TTC29: variants seen among roughly 807,000 people sequenced by gnomAD.
TTC29 encodes the protein tetratricopeptide repeat protein 29.
TTC29 carries 49 observed loss-of-function variants against 58.1 expected under a neutral mutation model. That is an observed-to-expected ratio of 0.84 (90% confidence interval 0.67 to 1.07). The LOEUF is 1.07. TTC29 is among the 50% of genes least tolerant of loss of function. The pLI is 0.00. For missense variants in TTC29, 582 were observed against 555.6 expected (o/e 1.05, Z -0.48); for synonymous variants, 209 against 196.8 (o/e 1.06, Z -0.52).
chr4:146,859,456 A>G (rs1175394971), intron 8 of TTC29, among the ~76,000 whole-genome samples: 1 of 152,160 alleles, frequency 6.6e-6, no homozygotes, highest in Non-Finnish European at 1.5e-5. Flanking sequence ...AATCTAAAAA[A>G]TGATTAATGC....
At chr4:146,740,730 T>C (rs917429505) in intron 11 of TTC29, among the ~76,000 whole-genome samples, 1 of 152,110 alleles carries the variant, frequency 6.6e-6, no homozygotes, top group African/African-American at 2.4e-5. Flanking sequence ...TTTAAAATTT[T>C]TTAGAGATAG....
chr4:146,731,978 A>G (rs1744368093), intron 11 of TTC29, among the ~76,000 whole-genome samples: 1 of 152,174 alleles, frequency 6.6e-6, no homozygotes, highest in South Asian at 2.1e-4. Context: ...ATACTTGTTA[A>G]TCAGCTTACA....
At chr4:146,896,530 T>A (rs1450861069) in intron 6 of TTC29, among the ~76,000 whole-genome samples, 3 of 152,214 alleles carry the variant, frequency 2.0e-5, no homozygotes, top group African/African-American at 7.2e-5. Flanking sequence ...ATCTCCTTAT[T>A]AATTGTGACT....
intron 11 of TTC29, among the ~76,000 whole-genome samples, chr4:146,784,502 G>A (rs1350196037): frequency 1.3e-5 from 2 of 152,072 alleles, no homozygotes; most frequent in African/African-American, 4.8e-5. Context: ...AGGAGGTGGG[G>A]CCTTTGGGAG....
chr4:146,857,331 C>T (rs1729930197), intron 8 of TTC29, among the ~76,000 whole-genome samples: 1 of 146,054 alleles, frequency 6.8e-6, no homozygotes, highest in African/African-American at 2.5e-5. Flanking sequence ...AGGTCTGAGC[C>T]ACAACAGTTG....
chr4:146,790,868 A>G (rs1392415486), intron 11 of TTC29, among the ~76,000 whole-genome samples: 1 of 152,146 alleles, frequency 6.6e-6, no homozygotes, highest in Non-Finnish European at 1.5e-5. Context: ...AAATTCACCC[A>G]CCAACATGTA....
intron 10 of TTC29, among the ~76,000 whole-genome samples, chr4:146,817,433 G>A (rs1751487405): frequency 1.3e-5 from 2 of 152,078 alleles, no homozygotes; most frequent in Admixed American, 1.3e-4. Context: ...AAATAAAAGA[G>A]GATACAAACA....
rs74781142 is a variant in TTC29, at chr4:146,874,723, G to A, written c.792C>T (p.Ala264=). ...GAGTTCTTTTCCACCCACCTTCTTT[G>A]GCTATTTCAGAAGCTTTTATTAGAA... The part of the protein sequence containing the change: ...IKILIKASEI[A]KEGSDKKMEA... The change falls in exon 7 of 13, where the codon GCC becomes GCT. Residue 264 remains alanine, a synonymous_variant. Coordinates refer to ENST00000325106, the MANE Select transcript of TTC29 (RefSeq NM_031956.4). 1,313 of 1,599,474 alleles carry A rather than the reference G, an allele frequency of 8.2e-4. 21 individuals carry two copies. The East Asian group carries it at 0.026, about 32-fold the overall frequency.
chr4:146,900,953 C>T (rs1579944843), intron 6 of TTC29, among the ~76,000 whole-genome samples: 1 of 152,134 alleles, frequency 6.6e-6, no homozygotes, highest in African/African-American at 2.4e-5. Context: ...CTCACTGCAG[C>T]CACTCTTCAG....
At chr4:146,770,189 G>T (rs770714251) in intron 11 of TTC29, among the ~76,000 whole-genome samples, 2 of 151,932 alleles carry the variant, frequency 1.3e-5, no homozygotes, top group Admixed American at 6.6e-5. Flanking sequence ...TGAGGTCTCT[G>T]CATCAGTAGC....
chr4:146,730,980 A>G (rs1225359629), intron 11 of TTC29, among the ~76,000 whole-genome samples: 1 of 152,212 alleles, frequency 6.6e-6, no homozygotes, highest in Non-Finnish European at 1.5e-5. Context: ...AGGAGAAACC[A>G]TAGCATTTTT....
chr4:146,787,490 G>T (rs908779356), intron 11 of TTC29, among the ~76,000 whole-genome samples: 9 of 152,200 alleles, frequency 5.9e-5, no homozygotes, highest in African/African-American at 2.2e-4. Flanking sequence ...GATTTACATA[G>T]TTGTTTGCTA....
chr4:146,925,766 C>A (rs898336484), intron 4 of TTC29, among the ~76,000 whole-genome samples: 2 of 152,116 alleles, frequency 1.3e-5, no homozygotes, highest in Non-Finnish European at 2.9e-5. Context: ...ATCATGATTG[C>A]AGAACAACTG....
chr4:146,785,256 G>A (rs1748927320), intron 11 of TTC29, among the ~76,000 whole-genome samples: 1 of 144,672 alleles, frequency 6.9e-6, no homozygotes, highest in Non-Finnish European at 1.5e-5. Flanking sequence ...GCAATGGCAT[G>A]ATCCCAGATC....
intron 6 of TTC29, among the ~76,000 whole-genome samples, chr4:146,887,081 TA>T (rs897005627): frequency 2.6e-5 from 4 of 152,134 alleles, no homozygotes; most frequent in Admixed American, 6.6e-5. Flanking sequence ...GGGAAGTTGC[TA>T]ATCAATGAGT....
intron 11 of TTC29, among the ~76,000 whole-genome samples, chr4:146,776,260 C>G (rs1333855451): frequency 6.6e-6 from 1 of 152,124 alleles, no homozygotes; most frequent in African/African-American, 2.4e-5. Flanking sequence ...GATCTTCACT[C>G]CTATCCATAT....
At chr4:146,821,174 G>T (rs1259630490) in intron 9 of TTC29, among the ~76,000 whole-genome samples, 1 of 152,182 alleles carries the variant, frequency 6.6e-6, no homozygotes, top group East Asian at 1.9e-4. Context: ...CCATGAGATG[G>T]AAAGTAGGCT....
At chr4:146,737,496 C>T (rs1042009514) in intron 11 of TTC29, among the ~76,000 whole-genome samples, 2 of 148,732 alleles carry the variant, frequency 1.3e-5, no homozygotes, top group Non-Finnish European at 3.0e-5. Flanking sequence ...TGATTCCCAG[C>T]GAGAGAGATA....
At chr4:146,766,380 TCTC>T (rs1747322563) in intron 11 of TTC29, among the ~76,000 whole-genome samples, 1 of 152,082 alleles carries the variant, frequency 6.6e-6, no homozygotes, top group African/African-American at 2.4e-5. Context: ...TGTTTCTTCT[TCTC>T]TACTTCTACA....
Sources: allele counts gnomAD v4.1 joint callset (sites outside exome capture counted in the v4.1 genomes callset), GRCh38; gene constraint gnomAD v4.1.1; transcripts MANE v1.5; gene names NCBI Gene and HGNC (gene_info 2026-07-23, HGNC 2026-07-21).